The following ACYP2 variants were observed in gnomAD, a reference collection of about 807,000 sequenced individuals.
ACYP2 encodes the protein acylphosphatase 2.
A neutral mutation model predicts 11.2 loss-of-function variants in ACYP2; 12 were observed. That is an observed-to-expected ratio of 1.08 (90% CI 0.69 to 1.74). The LOEUF (loss-of-function observed/expected upper bound fraction) is 1.74, where lower values mean the gene tolerates loss of function less well. Ranked by LOEUF, ACYP2 falls within the 40% of genes most tolerant of loss-of-function variation. The probability of loss-of-function intolerance (pLI) is 0.00; values close to 1 mark genes in which losing one functional copy is unlikely to be tolerated. For missense variants in ACYP2, 134 were observed against 101.9 expected (o/e 1.31, Z -1.35); for synonymous variants, 43 against 32.2 (o/e 1.33, Z -1.13).
At chr2:54,197,941 TATATTGTATTGTATTGTATTGTATTG>T (rs1241476162) in intron 6 of ACYP2, among the ~76,000 whole-genome samples, 2 of 74,574 alleles carry the variant, frequency 2.7e-5, no homozygotes, top group East Asian at 7.6e-4. Context: ...ATGTATGTAT[TATATTGTATTGTATTGTATTGTATTG>T]TATTGTATTG....
intron 4 of ACYP2, among the ~76,000 whole-genome samples, chr2:54,074,003 C>T (rs187959942): frequency 4.0e-4 from 61 of 152,176 alleles, no homozygotes; most frequent in African/African-American, 1.4e-3. Flanking sequence ...CATAGAGTTG[C>T]CATATGACTC....
chr2:54,153,817 G>A (rs1181420054), intron 6 of ACYP2, among the ~76,000 whole-genome samples: 1 of 151,918 alleles, frequency 6.6e-6, no homozygotes, highest in Non-Finnish European at 1.5e-5. Context: ...AGCCAGAATG[G>A]TCTCAATCTC....
intron 2 of ACYP2, among the ~76,000 whole-genome samples, chr2:53,977,323 G>A (rs977775212): frequency 6.6e-6 from 1 of 152,110 alleles, no homozygotes; most frequent in African/African-American, 2.4e-5. Flanking sequence ...GGAATTACAG[G>A]CGTGAGCCGC....
chr2:53,991,954 C>G (rs893951760), intron 2 of ACYP2, among the ~76,000 whole-genome samples: 2 of 151,988 alleles, frequency 1.3e-5, no homozygotes, highest in Non-Finnish European at 2.9e-5. Flanking sequence ...GCACATGACA[C>G]CACACCCAGC....
At chr2:54,032,239 C>T (rs1674622516) in intron 2 of ACYP2, among the ~76,000 whole-genome samples, 2 of 152,168 alleles carry the variant, frequency 1.3e-5, no homozygotes, top group South Asian at 4.1e-4. Context: ...AGGTTTTCTT[C>T]TAGGGTTTTA....
At chr2:54,081,356 C>A (rs1344948031) in intron 4 of ACYP2, among the ~76,000 whole-genome samples, 1 of 152,148 alleles carries the variant, frequency 6.6e-6, no homozygotes, top group Non-Finnish European at 1.5e-5. Context: ...CACAATGCAC[C>A]TCTAATAGGA....
chr2:54,172,409 C>A (rs1683256749), intron 6 of ACYP2, among the ~76,000 whole-genome samples: 1 of 152,052 alleles, frequency 6.6e-6, no homozygotes, highest in Non-Finnish European at 1.5e-5. Context: ...GAAGTGTTGG[C>A]CTTGGTTGAA....
At chr2:54,127,213 T>G (rs7592069) in intron 4 of ACYP2, among the ~76,000 whole-genome samples, 74,939 of 151,140 alleles carry the variant, frequency 0.5, 18,794 homozygotes, top group African/African-American at 0.56. Context: ...ACTGACATAA[T>G]CATCCCCTAT....
At chr2:54,289,028 A>G (rs1225011361) in intron 6 of ACYP2, among the ~76,000 whole-genome samples, 1 of 152,078 alleles carries the variant, frequency 6.6e-6, no homozygotes, top group African/African-American at 2.4e-5. Context: ...AATGACAGCT[A>G]TCAACTATAT....
intron 6 of ACYP2, among the ~76,000 whole-genome samples, chr2:54,191,519 C>A (rs1445057861): frequency 1.3e-5 from 2 of 152,170 alleles, no homozygotes; most frequent in Admixed American, 1.3e-4. Flanking sequence ...AGCTGTGTGA[C>A]CTTGCACAAG....
intron 2 of ACYP2, among the ~76,000 whole-genome samples, chr2:53,977,554 G>A (rs1671554500): frequency 1.3e-5 from 2 of 151,726 alleles, no homozygotes; most frequent in African/African-American, 4.8e-5. Flanking sequence ...CCAACATGGT[G>A]AAACCCCATG....
chr2:54,132,490 C>G (rs1680963679), intron 4 of ACYP2, among the ~76,000 whole-genome samples: 1 of 152,004 alleles, frequency 6.6e-6, no homozygotes, highest in Non-Finnish European at 1.5e-5. Flanking sequence ...TTGTTGGGTA[C>G]CACAGTATAC....
At chr2:53,973,510 T>C (rs902502781) in intron 1 of ACYP2, among the ~76,000 whole-genome samples, 2 of 152,206 alleles carry the variant, frequency 1.3e-5, no homozygotes, top group Admixed American at 1.3e-4. Flanking sequence ...GAATGTACTT[T>C]GTAATCTCCC....
In ACYP2 at chr2:54,270,816, A is replaced by G. The variant is rs113825571; in HGVS notation, c.405-33872A>G. On this transcript the variant is annotated intron_variant, in intron 6 of 6. Coordinates refer to ENST00000607452, the MANE Select transcript of ACYP2 (RefSeq NM_001320586.2). ...AGACTAGAGCAGCATCATAAGTCAC[A>G]CTTTCTTTGTTAGTGTGGAATTTCA... Among the ~76,000 whole-genome samples the G allele has an allele frequency of 9.5e-3, 1,450 of 152,312 alleles. 31 individuals are homozygous for G. The highest frequency in any genetic ancestry group is 0.033 in the African/African-American group (1,381 of 41,566).
intron 6 of ACYP2, among the ~76,000 whole-genome samples, chr2:54,210,270 T>C (rs1469621366): frequency 6.6e-6 from 1 of 151,616 alleles, no homozygotes; most frequent in Non-Finnish European, 1.5e-5. Context: ...ATAGATCCCA[T>C]CCTCTTTTAG....
intron 4 of ACYP2, among the ~76,000 whole-genome samples, chr2:54,126,241 G>A (rs184940779): frequency 4.8e-4 from 73 of 152,272 alleles, no homozygotes; most frequent in Admixed American, 1.1e-3. Flanking sequence ...CAGTCACATA[G>A]GTGTAACAGT....
intron 6 of ACYP2, chr2:54,267,174 T>G (rs1688072787): frequency 1.1e-6 from 1 of 938,536 alleles, no homozygotes; most frequent in Non-Finnish European, 1.6e-6. Flanking sequence ...GTATTATTCA[T>G]GTATTTTTTC....
intron 6 of ACYP2, among the ~76,000 whole-genome samples, chr2:54,268,639 C>CAA (rs34122735): frequency 8.1e-4 from 66 of 81,248 alleles, no homozygotes; most frequent in East Asian, 3.0e-3. Context: ...CAGTCTCTAC[C>CAA]AAAAAAAAAA....
intron 2 of ACYP2, among the ~76,000 whole-genome samples, chr2:53,993,155 G>A (rs566672723): frequency 5.3e-5 from 8 of 151,992 alleles, no homozygotes; most frequent in East Asian, 2.0e-4. Context: ...GCGGTGAGCC[G>A]AGATGGCACC....
Sources: allele counts gnomAD v4.1 joint callset (sites outside exome capture counted in the v4.1 genomes callset), GRCh38; gene constraint gnomAD v4.1.1; transcripts MANE v1.5; gene names NCBI Gene and HGNC (gene_info 2026-07-23, HGNC 2026-07-21).